ATRNL1: variants seen among roughly 807,000 people sequenced by gnomAD.
ATRNL1 encodes the protein attractin-like protein 1.
In ATRNL1, 95 loss-of-function variants were observed where a neutral mutation model predicts 182.7. That is an observed-to-expected ratio of 0.52 (90% CI 0.44 to 0.62). ATRNL1 has a LOEUF of 0.62. Among genes scored for constraint, ATRNL1 ranks in the 20% least tolerant of loss-of-function variants. ATRNL1 has a pLI of 0.00. For missense variants in ATRNL1, 1,471 were observed against 1,679.5 expected (o/e 0.88, Z 2.17); for synonymous variants, 576 against 568.3 (o/e 1.01, Z -0.19).
At chr10:115,786,330 C>T (rs959724671) in intron 27 of ATRNL1, among the ~76,000 whole-genome samples, 2 of 152,094 alleles carry the variant, frequency 1.3e-5, no homozygotes, top group African/African-American at 4.8e-5. Context: ...GACTAGGTGG[C>T]TTATACCAAC....
chr10:115,214,223 A>G (rs1314120660), intron 8 of ATRNL1, among the ~76,000 whole-genome samples: 9 of 151,910 alleles, frequency 5.9e-5, no homozygotes, highest in African/African-American at 1.4e-4. Context: ...TACATTTTAT[A>G]CCTCTTAATT....
chr10:115,931,556 G>A (rs1048887708), intron 28 of ATRNL1, among the ~76,000 whole-genome samples: 3 of 152,132 alleles, frequency 2.0e-5, no homozygotes, highest in Non-Finnish European at 2.9e-5. Context: ...CTGCTCAGAA[G>A]ATCTTGCTTT....
chr10:115,392,877 A>G (rs1369388572), intron 19 of ATRNL1, among the ~76,000 whole-genome samples: 1 of 152,176 alleles, frequency 6.6e-6, no homozygotes, highest in South Asian at 2.1e-4. Context: ...TGGAAGAAAC[A>G]TACTTTCTTT....
chr10:115,274,863 A>G (rs1430126230), intron 13 of ATRNL1, among the ~76,000 whole-genome samples: 1 of 152,228 alleles, frequency 6.6e-6, no homozygotes, highest in Non-Finnish European at 1.5e-5. Flanking sequence ...ATGAAACCAC[A>G]TCTGATAAGG....
intron 21 of ATRNL1, among the ~76,000 whole-genome samples, chr10:115,439,500 CT>C (rs1846563304): frequency 6.6e-6 from 1 of 151,536 alleles, no homozygotes. Context: ...ATTTTTCTAC[CT>C]AGAGAAAATT....
intron 26 of ATRNL1, among the ~76,000 whole-genome samples, chr10:115,687,619 C>A (rs1288972443): frequency 6.6e-6 from 1 of 151,972 alleles, no homozygotes; most frequent in East Asian, 1.9e-4. Flanking sequence ...AATTTCATTG[C>A]CCCTTTGGAA....
chr10:115,470,459 G>A (rs1554971891), intron 24 of ATRNL1, among the ~76,000 whole-genome samples: 1 of 150,246 alleles, frequency 6.7e-6, no homozygotes, highest in East Asian at 1.9e-4. Context: ...TATTTCCTAA[G>A]ATTCATAGAG....
intron 27 of ATRNL1, among the ~76,000 whole-genome samples, chr10:115,817,411 A>G (rs1950189829): frequency 6.6e-6 from 1 of 152,158 alleles, no homozygotes; most frequent in South Asian, 2.1e-4. Context: ...ACCATAATTT[A>G]TTTAACCAAT....
chr10:115,249,187 T>G (rs1460550572), intron 10 of ATRNL1, among the ~76,000 whole-genome samples: 1 of 152,046 alleles, frequency 6.6e-6, no homozygotes, highest in Non-Finnish European at 1.5e-5. Context: ...AGAGACAGGA[T>G]TTCATCATGT....
chr10:115,555,742 A>G (rs1554996868), intron 26 of ATRNL1, among the ~76,000 whole-genome samples: 1 of 151,990 alleles, frequency 6.6e-6, no homozygotes, highest in Non-Finnish European at 1.5e-5. Flanking sequence ...CACATGCACA[A>G]GCATAATGTG....
chr10:115,385,081 A>G (rs1368133448), intron 19 of ATRNL1, among the ~76,000 whole-genome samples: 2 of 152,038 alleles, frequency 1.3e-5, no homozygotes, highest in African/African-American at 2.4e-5. Flanking sequence ...TTTTTGTGCT[A>G]TCATAAATTT....
chr10:115,831,340 A>G (rs919414056), intron 27 of ATRNL1, among the ~76,000 whole-genome samples: 1 of 152,154 alleles, frequency 6.6e-6, no homozygotes, highest in Non-Finnish European at 1.5e-5. Flanking sequence ...TCATATTTGC[A>G]AGAGTGTACA....
intron 27 of ATRNL1, among the ~76,000 whole-genome samples, chr10:115,760,756 A>G (rs964197261): frequency 1.3e-5 from 2 of 152,210 alleles, no homozygotes; most frequent in Admixed American, 1.3e-4. Context: ...TTTTTGTTCT[A>G]CTTGTTTGAA....
chr10:115,250,212 T>C (rs1341344091), intron 10 of ATRNL1, among the ~76,000 whole-genome samples: 1 of 152,206 alleles, frequency 6.6e-6, no homozygotes, highest in Non-Finnish European at 1.5e-5. Flanking sequence ...GGGTTATTGG[T>C]AACAGAACTA....
At chr10:115,651,324 C>T (rs577313760) in intron 26 of ATRNL1, among the ~76,000 whole-genome samples, 4 of 152,176 alleles carry the variant, frequency 2.6e-5, no homozygotes, top group Non-Finnish European at 5.9e-5. Flanking sequence ...CCGCATTAGA[C>T]CTATGTAACA....
chr10:115,618,510 C>T (rs1448154236), intron 26 of ATRNL1, among the ~76,000 whole-genome samples: 1 of 151,292 alleles, frequency 6.6e-6, no homozygotes, highest in Non-Finnish European at 1.5e-5. Context: ...GGCCTTTTTA[C>T]AATTTTTTTT....
intron 24 of ATRNL1, among the ~76,000 whole-genome samples, chr10:115,474,184 A>G (rs1200719021): frequency 1.3e-5 from 2 of 151,280 alleles, no homozygotes; most frequent in Non-Finnish European, 3.0e-5. Context: ...TTTGTTTGTC[A>G]GCTTTTATGT....
At chr10:115,212,246 C>T (rs554619778) in intron 8 of ATRNL1, among the ~76,000 whole-genome samples, 88 of 151,116 alleles carry the variant, frequency 5.8e-4, no homozygotes, top group African/African-American at 2.0e-3. Flanking sequence ...GTCATTTCCA[C>T]TCCGGTTTTG....
intron 19 of ATRNL1, among the ~76,000 whole-genome samples, chr10:115,382,456 AT>A (rs1218768196): frequency 6.6e-5 from 10 of 151,886 alleles, no homozygotes; most frequent in East Asian, 1.9e-4. Flanking sequence ...ATATGAAATT[AT>A]TTTTTTAATT....
Sources: gnomAD v4.1 joint callset for allele counts (sites outside exome capture counted in the v4.1 genomes callset) on GRCh38, gnomAD v4.1.1 for gene constraint, MANE v1.5 for transcripts, NCBI Gene and HGNC (gene_info 2026-07-23, HGNC 2026-07-21) for gene names.